LAMA2: variants seen among roughly 807,000 people sequenced by gnomAD.
LAMA2 encodes laminin subunit alpha 2.
LAMA2 carries 269 observed loss-of-function variants against 364.8 expected under a neutral mutation model. The ratio of observed to expected loss-of-function variants is 0.74; its 90% CI spans 0.67 to 0.82. The LOEUF is 0.82. LAMA2 is among the 40% of genes least tolerant of loss of function. The pLI, the probability that LAMA2 is intolerant of heterozygous loss-of-function variation, is 0.00. For synonymous variants in LAMA2, 1,379 were observed against 1,370.6 expected, an observed-to-expected ratio of 1.01 and a Z score of -0.14; for missense variants, 3,807 against 3,873.2, an observed-to-expected ratio of 0.98 and a Z score of 0.45.
intron 1 of LAMA2, among the ~76,000 whole-genome samples, chr6:129,048,619 TC>T (rs1787769366): frequency 6.7e-6 from 1 of 149,466 alleles, no homozygotes; most frequent in Non-Finnish European, 1.5e-5. Context: ...TCTCTCTCTC[TC>T]TCTCTCTCTT....
chr6:129,445,853 T>A (rs1467350754), intron 45 of LAMA2, 32 bp downstream of exon 45: 1 of 1,576,668 alleles, frequency 6.3e-7, no homozygotes, highest in Admixed American at 1.7e-5. Context: ...TATCAGTAAC[T>A]GATTGTAATT....
intron 1 of LAMA2, among the ~76,000 whole-genome samples, chr6:128,934,006 A>G (rs1468185055): frequency 2.0e-5 from 3 of 152,218 alleles, no homozygotes; most frequent in South Asian, 2.1e-4. Context: ...CCCAAAAATC[A>G]TGACCAAGAC....
chr6:129,400,822 C>T (rs547719158), intron 37 of LAMA2, among the ~76,000 whole-genome samples: 4 of 152,342 alleles, frequency 2.6e-5, no homozygotes, highest in African/African-American at 9.6e-5. Flanking sequence ...CCATTGAATA[C>T]ATCTGCTTAT....
At chr6:129,476,363 T>TA (rs1381585698) in intron 53 of LAMA2, among the ~76,000 whole-genome samples, 1 of 152,222 alleles carries the variant, frequency 6.6e-6, no homozygotes, top group Non-Finnish European at 1.5e-5. Flanking sequence ...CTAGTTGTGC[T>TA]ACATTTGCTG....
chr6:129,129,077 C>T (rs905973037), intron 4 of LAMA2, among the ~76,000 whole-genome samples: 7 of 152,200 alleles, frequency 4.6e-5, no homozygotes, highest in Admixed American at 6.5e-5. Flanking sequence ...CTCTGCTGTC[C>T]GTATCTTCCT....
At chr6:129,363,198 G>C (rs1777566698) in intron 32 of LAMA2, among the ~76,000 whole-genome samples, 1 of 152,086 alleles carries the variant, frequency 6.6e-6, no homozygotes, top group Non-Finnish European at 1.5e-5. Context: ...CAACCACTCG[G>C]GAGGCTGAGG....
chr6:129,515,238 C>G (rs1010103928), intron 64 of LAMA2, among the ~76,000 whole-genome samples: 3 of 152,184 alleles, frequency 2.0e-5, no homozygotes, highest in Non-Finnish European at 4.4e-5. Flanking sequence ...GGTCTTTCAT[C>G]ATTTTGTCAA....
chr6:129,472,438 C>A (rs959422266), intron 51 of LAMA2, among the ~76,000 whole-genome samples: 1 of 151,860 alleles, frequency 6.6e-6, no homozygotes, highest in East Asian at 1.9e-4. Context: ...CTAGCTTGAC[C>A]CCTAAGAAGG....
At chr6:129,119,881 T>G (rs919118937) in intron 4 of LAMA2, among the ~76,000 whole-genome samples, 3 of 152,182 alleles carry the variant, frequency 2.0e-5, no homozygotes. Context: ...TGGCACAAAA[T>G]TGTGTGAAGA....
At chr6:129,077,603 A>G (rs148922214) in intron 3 of LAMA2, among the ~76,000 whole-genome samples, 62 of 152,106 alleles carry the variant, frequency 4.1e-4, no homozygotes, top group African/African-American at 1.4e-3. Flanking sequence ...CACAGATGAG[A>G]AGATATAAAG....
chr6:128,930,918 C>T (rs930633249), intron 1 of LAMA2, among the ~76,000 whole-genome samples: 7 of 152,166 alleles, frequency 4.6e-5, no homozygotes, highest in Non-Finnish European at 7.4e-5. Context: ...CTAACACGTT[C>T]GCTTTTCTGT....
rs1787883608 is a variant in LAMA2 at position 129,050,038 on chromosome 6, T to C, written c.233T>C (p.Val78Ala). ...GTAGAACATGTCCCTGGGCAGCCTGTGAGGAACCCGCAGTGTCGAATCTGC... is the reference window on the plus strand; with the variant it reads ...GTAGAACATGTCCCTGGGCAGCCTGCGAGGAACCCGCAGTGTCGAATCTGC... Reference protein sequence around the residue: ...KLVEHVPGQPVRNPQCRICNQ... With the variant: ...KLVEHVPGQPARNPQCRICNQ... Residue 78 changes from valine (V) to alanine (A), a missense_variant, in exon 2 of 65, where the codon GTG becomes GCG. Physicochemically the swap from Val to Ala is moderately conservative, Grantham distance 64 (BLOSUM62 0). Coordinates refer to ENST00000421865, the MANE Select transcript of LAMA2 (RefSeq NM_000426.4). 1 of 1,614,034 alleles carries C rather than the reference T, an allele frequency of 6.2e-7. No homozygotes were observed. Among genetic ancestry groups the C allele is most frequent in the African/African-American group, 1.3e-5 (1 of 74,908 alleles).
At chr6:129,500,170 G>A (rs1467740912) in intron 58 of LAMA2, among the ~76,000 whole-genome samples, 4 of 152,048 alleles carry the variant, frequency 2.6e-5, no homozygotes, top group African/African-American at 9.7e-5. Flanking sequence ...CAAATTAGAG[G>A]GTGGGGAATT....
At chr6:129,333,778 A>G (rs377026034) in intron 29 of LAMA2, among the ~76,000 whole-genome samples, 34 of 152,272 alleles carry the variant, frequency 2.2e-4, no homozygotes, top group African/African-American at 8.2e-4. Flanking sequence ...GCACAGTTAT[A>G]TTTGCTTTAT....
At chr6:129,275,455 G>T (rs2114374372) in intron 17 of LAMA2, among the ~76,000 whole-genome samples, 1 of 151,576 alleles carries the variant, frequency 6.6e-6, no homozygotes, top group East Asian at 1.9e-4. Context: ...TACAGTAATA[G>T]AAACAATTAC....
At chr6:129,267,302 G>A (rs1787592860) in intron 16 of LAMA2, 83 bp downstream of exon 16, 1 of 940,486 alleles carries the variant, frequency 1.1e-6, no homozygotes, top group Middle Eastern at 2.1e-4. Context: ...ACTACCCTGG[G>A]GACCTTAAAC....
intron 12 of LAMA2, among the ~76,000 whole-genome samples, chr6:129,249,214 C>T (rs1785994287): frequency 6.6e-6 from 1 of 152,084 alleles, no homozygotes; most frequent in African/African-American, 2.4e-5. Flanking sequence ...CAAGTCTCTG[C>T]ATGTCAGCAC....
intron 1 of LAMA2, among the ~76,000 whole-genome samples, chr6:128,922,832 A>G (rs973903655): frequency 1.3e-5 from 2 of 152,086 alleles, no homozygotes; most frequent in African/African-American, 4.8e-5. Context: ...TAGTGTTTTT[A>G]TGGTTTTAGG....
rs1780711250 is a variant in LAMA2 at position 129,177,986 on chromosome 6, A to G, written c.1467+120A>G. 4 of 1,049,176 alleles carry G rather than the reference A, an allele frequency of 3.8e-6. No individual in the cohort carries two copies. In the Admixed American group the frequency reaches 6.0e-5, roughly 16 times the overall value. 65.0% of individuals were successfully genotyped at this position (1,049,176 alleles called of 1,614,324 possible). On this transcript the variant is annotated intron_variant, in intron 10 of 64. Transcript: ENST00000421865. Reference sequence around the variant, plus strand: ...TGACTTCTGGAAGTATCCATAATCTATTCTACGTGTGGTGACCCACCAGGT... The same window carrying G: ...TGACTTCTGGAAGTATCCATAATCTGTTCTACGTGTGGTGACCCACCAGGT...
Sources: allele counts gnomAD v4.1 joint callset (sites outside exome capture counted in the v4.1 genomes callset), GRCh38; gene constraint gnomAD v4.1.1; transcripts MANE v1.5; gene names NCBI Gene and HGNC (gene_info 2026-07-23, HGNC 2026-07-21).